The following MYRIP variants were observed in gnomAD, a reference collection of about 807,000 sequenced individuals.
The protein encoded by MYRIP is myosin VIIA and Rab interacting protein, also known as rab effector MyRIP.
A neutral mutation model predicts 98.0 loss-of-function variants in MYRIP; 49 were observed. The ratio of observed to expected loss-of-function variants is 0.50; its 90% confidence interval spans 0.40 to 0.63. MYRIP has a LOEUF of 0.63. Among genes scored for constraint, MYRIP ranks in the 30% least tolerant of loss-of-function variants. The pLI, the probability that MYRIP is intolerant of heterozygous loss-of-function variation, is 0.00. For missense variants in MYRIP, 1,004 were observed against 1,058.2 expected, an observed-to-expected ratio of 0.95 and a Z score of 0.71; for synonymous variants, 404 against 409.5, an observed-to-expected ratio of 0.99 and a Z score of 0.16.
intron 3 of MYRIP, among the ~76,000 whole-genome samples, chr3:40,124,239 C>G (rs1949471325): frequency 6.6e-6 from 1 of 152,192 alleles, no homozygotes. Context: ...CAAAGCTGTA[C>G]TTCAAAGCAT....
intron 7 of MYRIP, among the ~76,000 whole-genome samples, chr3:40,168,956 A>G (rs963586180): frequency 3.3e-5 from 5 of 152,228 alleles, no homozygotes; most frequent in African/African-American, 9.6e-5. Flanking sequence ...CCGTATGCCA[A>G]GTAGACTCAC....
intron 3 of MYRIP, among the ~76,000 whole-genome samples, chr3:40,044,522 C>T (rs1270223608): frequency 2.0e-5 from 3 of 152,138 alleles, no homozygotes; most frequent in Non-Finnish European, 2.9e-5. Context: ...AGATGCAGCT[C>T]CTACATATGT....
At chr3:39,970,861 T>C (rs1945563562) in intron 2 of MYRIP, among the ~76,000 whole-genome samples, 1 of 152,074 alleles carries the variant, frequency 6.6e-6, no homozygotes, top group Non-Finnish European at 1.5e-5. Context: ...AAAAAAGTAA[T>C]TTTTTGCTTA....
At chr3:39,890,141 C>G (rs906006268) in intron 1 of MYRIP, among the ~76,000 whole-genome samples, 1 of 151,984 alleles carries the variant, frequency 6.6e-6, no homozygotes, top group Non-Finnish European at 1.5e-5. Context: ...TCCTCCATAT[C>G]TAGAATATTC....
At chr3:39,884,806 A>ATTTTTTTTTTTT (rs10662369) in intron 1 of MYRIP, among the ~76,000 whole-genome samples, 2 of 137,316 alleles carry the variant, frequency 1.5e-5, no homozygotes, top group Non-Finnish European at 1.6e-5. Context: ...TACAGTCATT[A>ATTTTTTTTTTTT]TTATTTTTTT....
At chr3:39,831,012 A>G (rs571563863) in intron 1 of MYRIP, among the ~76,000 whole-genome samples, 2 of 152,168 alleles carry the variant, frequency 1.3e-5, no homozygotes, top group South Asian at 4.1e-4. Flanking sequence ...AGTACTCATG[A>G]TACTTAAAAT....
At chr3:39,857,142 G>T (rs1395757995) in intron 1 of MYRIP, among the ~76,000 whole-genome samples, 1 of 151,894 alleles carries the variant, frequency 6.6e-6, no homozygotes, top group Non-Finnish European at 1.5e-5. Flanking sequence ...GGGCTTGCGA[G>T]GTCAAGGAGG....
At chr3:40,195,698 T>A (rs113348938) in intron 10 of MYRIP, among the ~76,000 whole-genome samples, 1 of 8,918 alleles carries the variant, frequency 1.1e-4, no homozygotes, top group Non-Finnish European at 1.8e-3. Context: ...TTGATTATGG[T>A]TTTTTTTTAA....
intron 3 of MYRIP, among the ~76,000 whole-genome samples, chr3:40,068,741 C>T (rs1006911439): frequency 1.3e-5 from 2 of 152,186 alleles, no homozygotes; most frequent in South Asian, 4.1e-4. Context: ...AAAGGTACAT[C>T]ATCCCTGGCT....
chr3:40,042,247 A>T (rs1575489683), intron 2 of MYRIP, among the ~76,000 whole-genome samples: 1 of 151,156 alleles, frequency 6.6e-6, no homozygotes. Context: ...GTATATTATA[A>T]CAACTATGTA....
At chr3:40,121,628 C>T (rs1949406987) in intron 3 of MYRIP, among the ~76,000 whole-genome samples, 3 of 152,122 alleles carry the variant, frequency 2.0e-5, no homozygotes, top group Non-Finnish European at 2.9e-5. Flanking sequence ...GCAAAGCTAC[C>T]TTCCACCAGG....
chr3:40,062,990 T>C (rs1948050477), intron 3 of MYRIP, among the ~76,000 whole-genome samples: 1 of 152,170 alleles, frequency 6.6e-6, no homozygotes, highest in Non-Finnish European at 1.5e-5. Context: ...CTTGACTAGA[T>C]TAAAGAATTT....
chr3:39,977,158 C>T (rs1945776806), intron 2 of MYRIP, among the ~76,000 whole-genome samples: 1 of 151,858 alleles, frequency 6.6e-6, no homozygotes, highest in Non-Finnish European at 1.5e-5. Flanking sequence ...AGCAAAACTG[C>T]CCACTTCCCT....
Position 40,250,487 on chromosome 3 carries a change from C to G in MYRIP, c.2416C>G (p.Pro806Ala), listed in dbSNP as rs769906062. 1.2e-6 allele frequency: 2 copies of G among 1,614,124 alleles called. No individual in the cohort carries two copies. Among genetic ancestry groups the G allele is most frequent in the East Asian group, 4.5e-5 (2 of 44,878 alleles). ...SRQQRRKLPA[P>A]PVKAEKIETS... ...GCAGCAAAGGAGGAAACTGCCTGCT[C>G]CACCGGTGAAAGGTATGCTAAATTA... The change falls in exon 15 of 17, where the codon CCA becomes GCA. Residue 806 changes from proline (P) to alanine (A), a missense_variant. Physicochemically the swap from Pro to Ala is conservative, Grantham distance 27. This residue lies in a region of MYRIP where 108 missense variants were observed against 111.1 expected (regional missense o/e 0.97). Transcript: ENST00000302541.
intron 2 of MYRIP, among the ~76,000 whole-genome samples, chr3:39,959,510 T>C (rs1945263475): frequency 6.6e-6 from 1 of 151,820 alleles, no homozygotes; most frequent in South Asian, 2.1e-4. Context: ...ACGTCACACA[T>C]CAGGGCCTGT....
intron 11 of MYRIP, among the ~76,000 whole-genome samples, chr3:40,232,639 T>G (rs1952693893): frequency 6.6e-6 from 1 of 152,242 alleles, no homozygotes; most frequent in Non-Finnish European, 1.5e-5. Context: ...CAAAATTGTT[T>G]GCAGATGGAA....
chr3:40,051,039 T>C (rs921718203), intron 3 of MYRIP, among the ~76,000 whole-genome samples: 5 of 152,162 alleles, frequency 3.3e-5, no homozygotes, highest in Non-Finnish European at 7.4e-5. Flanking sequence ...ACTATGAACA[T>C]TGTTGAAATG....
intron 3 of MYRIP, among the ~76,000 whole-genome samples, chr3:40,101,529 T>C (rs1197279505): frequency 6.6e-6 from 1 of 152,180 alleles, no homozygotes; most frequent in African/African-American, 2.4e-5. Flanking sequence ...ATTTTCTTTG[T>C]TTCTTCTGAA....
At position 40,166,945 on chromosome 3, in the gene MYRIP, T is replaced by TACC; in HGVS notation, c.648+3_648+4insCCA. ...GCAGAGGCATATGGGGACAGCCTGG[T>TACC]AGGGCCCCTCCTGCTCCTCTCTGTG... On this transcript the variant is annotated splice_region_variant and intron_variant, in intron 6 of 16. Coordinates refer to ENST00000302541, the MANE Select transcript of MYRIP (RefSeq NM_015460.4). 6.2e-7 allele frequency: 1 copy of TACC among 1,611,402 alleles called. No individual in the cohort carries two copies. Among genetic ancestry groups the TACC allele is most frequent in the Non-Finnish European group, 8.5e-7 (1 of 1,177,636 alleles).
Sources: allele counts gnomAD v4.1 joint callset (sites outside exome capture counted in the v4.1 genomes callset), GRCh38; gene constraint gnomAD v4.1.1; regional missense constraint gnomAD v4.1.1; transcripts MANE v1.5; gene names NCBI Gene and HGNC (gene_info 2026-07-23, HGNC 2026-07-21).